RCAN1: variants seen among roughly 807,000 people sequenced by gnomAD.
RCAN1 encodes calcipressin-1.
A neutral mutation model predicts 22.9 loss-of-function variants in RCAN1; 11 were observed. That is an observed-to-expected ratio of 0.48 (90% CI 0.30 to 0.79). The LOEUF (loss-of-function observed/expected upper bound fraction) is 0.79, where lower values mean the gene tolerates loss of function less well. Among genes scored for constraint, RCAN1 ranks in the 30% least tolerant of loss-of-function variants. The pLI is 0.06. For synonymous variants in RCAN1, 136 were observed against 142.3 expected, an observed-to-expected ratio of 0.96 and a Z score of 0.32; for missense variants, 291 against 337.8, an observed-to-expected ratio of 0.86 and a Z score of 1.09.
intron 1 of RCAN1, among the ~76,000 whole-genome samples, chr21:34,594,018 A>G (rs957334880): frequency 1.3e-5 from 2 of 152,194 alleles, no homozygotes; most frequent in African/African-American, 4.8e-5. Flanking sequence ...TTATTTTCAG[A>G]GTTGTTGCAA....
chr21:34,565,204 G>A (rs886577605), intron 1 of RCAN1, among the ~76,000 whole-genome samples: 5 of 152,166 alleles, frequency 3.3e-5, no homozygotes, highest in Non-Finnish European at 7.4e-5. Flanking sequence ...GTCTGAAAAA[G>A]AAAAGAAAAA....
At chr21:34,545,868 C>T (rs1392847088) in intron 1 of RCAN1, among the ~76,000 whole-genome samples, 1 of 152,194 alleles carries the variant, frequency 6.6e-6, no homozygotes, top group African/African-American at 2.4e-5. Context: ...CTCTAACATT[C>T]GAAGAATAGC....
chr21:34,519,397 C>CTTTTTTTTTTTTTTTTTTTTTTTTT (rs34152667), intron 3 of RCAN1, among the ~76,000 whole-genome samples: 6 of 102,786 alleles, frequency 5.8e-5, no homozygotes, highest in African/African-American at 1.1e-4. Context: ...TTCTTTCTTT[C>CTTTTTTTTTTTTTTTTTTTTTTTTT]TTTTTTTTTT....
intron 1 of RCAN1, among the ~76,000 whole-genome samples, chr21:34,561,987 C>T (rs926598766): frequency 1.3e-5 from 2 of 152,176 alleles, no homozygotes; most frequent in Non-Finnish European, 2.9e-5. Context: ...TCATTTATCA[C>T]TGCAGTGCAC....
At chr21:34,524,932 G>C (rs1370514552) in intron 1 of RCAN1, among the ~76,000 whole-genome samples, 1 of 152,178 alleles carries the variant, frequency 6.6e-6, no homozygotes, top group Non-Finnish European at 1.5e-5. Flanking sequence ...GACTGCATGG[G>C]CTTCTAGTCG....
intron 3 of RCAN1, among the ~76,000 whole-genome samples, chr21:34,520,159 C>G (rs1291556030): frequency 6.6e-6 from 1 of 152,160 alleles, no homozygotes; most frequent in Non-Finnish European, 1.5e-5. Context: ...TTAAGTGAAC[C>G]AAGGACAAAC....
At chr21:34,521,196 G>C (rs1480414225) in intron 3 of RCAN1, 1 of 1,373,860 alleles carries the variant, frequency 7.3e-7, no homozygotes, top group Non-Finnish European at 9.4e-7. Context: ...CCGGGGCTCA[G>C]GCCTCCCACG....
chr21:34,520,341 A>T (rs949955432), intron 3 of RCAN1, among the ~76,000 whole-genome samples: 1 of 151,874 alleles, frequency 6.6e-6, no homozygotes, highest in South Asian at 2.1e-4. Context: ...CTAGGGGAAG[A>T]CTCCACACCC....
intron 1 of RCAN1, among the ~76,000 whole-genome samples, chr21:34,607,011 T>G (rs1988545864): frequency 6.6e-6 from 1 of 152,264 alleles, no homozygotes; most frequent in Non-Finnish European, 1.5e-5. Context: ...TTAAATAATA[T>G]TTTTGTCTCT....
Position 34,583,178 on chromosome 21 carries a change from C to CTT in RCAN1, c.252+31580_252+31581dup, listed in dbSNP as rs10708288. On this transcript the variant is annotated intron_variant, in intron 1 of 3. Transcript: ENST00000313806. ...TGGACTACACAGTTGGCGATAGGGC[C>CTT]TTTTTTTTTTTTTTTTTTTGAGACA... 2.6e-4 allele frequency among the ~76,000 whole-genome samples: 30 copies of CTT among 114,342 alleles called. 1 individual carries two copies. Among genetic ancestry groups the CTT allele is most frequent in the African/African-American group, 7.6e-4 (23 of 30,066 alleles). 75.0% of individuals were successfully genotyped at this position (114,342 alleles called of 152,430 possible). A position where few individuals can be genotyped will look rare whatever the true frequency, so the allele number is the denominator to read the frequency against.
intron 1 of RCAN1, among the ~76,000 whole-genome samples, chr21:34,605,051 T>C (rs989906557): frequency 9.9e-5 from 15 of 152,218 alleles, no homozygotes; most frequent in Middle Eastern, 3.2e-3. Flanking sequence ...GTCAACTTGA[T>C]TGGATTGAAA....
At chr21:34,576,792 C>A (rs1287691696) in intron 1 of RCAN1, among the ~76,000 whole-genome samples, 2 of 152,102 alleles carry the variant, frequency 1.3e-5, no homozygotes, top group African/African-American at 4.8e-5. Context: ...GGAAGAAAAT[C>A]CAAAGATAGC....
At chr21:34,565,847 C>T (rs2834544) in intron 1 of RCAN1, among the ~76,000 whole-genome samples, 36,809 of 152,072 alleles carry the variant, frequency 0.24, 5,188 homozygotes, top group African/African-American at 0.39. Flanking sequence ...AGTATCTCTT[C>T]CCCAGCGACC....
intron 1 of RCAN1, among the ~76,000 whole-genome samples, chr21:34,530,950 T>C (rs1240392906): frequency 1.3e-5 from 2 of 152,172 alleles, no homozygotes; most frequent in Non-Finnish European, 2.9e-5. Context: ...TGGAGCATTG[T>C]TCCCCAGCCT....
intron 1 of RCAN1, among the ~76,000 whole-genome samples, chr21:34,562,131 G>T (rs1341691711): frequency 6.6e-6 from 1 of 152,158 alleles, no homozygotes; most frequent in Non-Finnish European, 1.5e-5. Context: ...AATGCTCCAT[G>T]AATTCCATTA....
chr21:34,604,632 T>A (rs2123730366), intron 1 of RCAN1, among the ~76,000 whole-genome samples: 1 of 152,338 alleles, frequency 6.6e-6, no homozygotes, highest in African/African-American at 2.4e-5. Flanking sequence ...GAAGAAATGC[T>A]CTTTTTGAGC....
intron 1 of RCAN1, among the ~76,000 whole-genome samples, chr21:34,612,316 C>T (rs1230601840): frequency 1.3e-5 from 2 of 152,210 alleles, no homozygotes; most frequent in South Asian, 2.1e-4. Context: ...GCCTCTCTGT[C>T]TCTCATGCAA....
chr21:34,592,231 G>A (rs1480352308), intron 1 of RCAN1, among the ~76,000 whole-genome samples: 1 of 152,144 alleles, frequency 6.6e-6, no homozygotes, highest in East Asian at 1.9e-4. Context: ...AGCCCACCTG[G>A]GCACCTGGCA....
At chr21:34,533,462 C>CA (rs1281917906) in intron 1 of RCAN1, among the ~76,000 whole-genome samples, 1 of 152,226 alleles carries the variant, frequency 6.6e-6, no homozygotes, top group Non-Finnish European at 1.5e-5. Context: ...TATATTTAAA[C>CA]AAAACAAACC....
Sources: allele counts gnomAD v4.1 joint callset (sites outside exome capture counted in the v4.1 genomes callset), GRCh38; gene constraint gnomAD v4.1.1; transcripts MANE v1.5; gene names NCBI Gene and HGNC (gene_info 2026-07-23, HGNC 2026-07-21).